DLD: variants seen among roughly 807,000 people sequenced by gnomAD.
DLD encodes dihydrolipoyl dehydrogenase, mitochondrial.
Under a neutral mutation model 62.2 loss-of-function variants are expected in DLD, and 36 were observed. That is an observed-to-expected ratio of 0.58 (90% CI 0.44 to 0.76). The LOEUF (loss-of-function observed/expected upper bound fraction) is 0.76, where lower values mean the gene tolerates loss of function less well. DLD is among the 30% of genes least tolerant of loss of function. DLD has a pLI of 0.00. For synonymous variants in DLD, 204 were observed against 199.6 expected, an observed-to-expected ratio of 1.02 and a Z score of -0.19; for missense variants, 541 against 608.6, an observed-to-expected ratio of 0.89 and a Z score of 1.17.
intron 11 of DLD, 60 bp downstream of exon 11, chr7:107,917,522 G>T: frequency 6.8e-7 from 1 of 1,474,720 alleles, no homozygotes; most frequent in South Asian, 1.1e-5. Context: ...GACATTGGTG[G>T]TTGAGAAACA....
chr7:107,898,483 G>A (rs986449905), intron 2 of DLD, among the ~76,000 whole-genome samples: 7 of 151,024 alleles, frequency 4.6e-5, no homozygotes, highest in African/African-American at 1.7e-4. Context: ...GTTTCACCAT[G>A]TTAGTCAGGC....
intron 2 of DLD, 21 bp downstream of exon 2, chr7:107,893,299 T>A: frequency 6.3e-7 from 1 of 1,588,366 alleles, no homozygotes; most frequent in South Asian, 1.1e-5. Context: ...AAGTAAAACA[T>A]TTTTTTCATC....
In DLD at chr7:107,919,450, G is replaced by A; in HGVS notation, c.*191G>A. 1 of 522,722 alleles carries A rather than the reference G, an allele frequency of 1.9e-6. No homozygotes were observed. The allele number at this position is 522,722 out of a possible 1,614,324, so 32.4% of individuals were successfully genotyped here. On this transcript the variant is annotated 3_prime_UTR_variant, in exon 14 of 14. Coordinates refer to ENST00000205402, the MANE Select transcript of DLD (RefSeq NM_000108.5). The stretch of plus-strand genomic sequence containing the variant: ...ATATTTTACATAAATTTAGTATTTT[G>A]TTTCAGTGCACTAATGTGTAAGACA...
chr7:107,903,468 T>A lies in DLD; in HGVS notation c.268-10T>A. On this transcript the variant is annotated splice_polypyrimidine_tract_variant and intron_variant, in intron 4 of 13. Transcript: ENST00000205402. Reference sequence around the variant, plus strand: ...ATATTTGATAATTTGATCTTTTTAATTTCCTTTAGGCTTTATTGAACAACT... The same window carrying A: ...ATATTTGATAATTTGATCTTTTTAAATTCCTTTAGGCTTTATTGAACAACT... The A allele has an allele frequency of 6.6e-7, 1 of 1,519,954 alleles. No homozygotes were observed. The highest frequency in any genetic ancestry group is 1.1e-5 in the South Asian group (1 of 88,836). 94.2% of individuals were successfully genotyped at this position (1,519,954 alleles called of 1,614,324 possible).
At chr7:107,896,544 C>A (rs536894512) in intron 2 of DLD, among the ~76,000 whole-genome samples, 9 of 152,150 alleles carry the variant, frequency 5.9e-5, no homozygotes, top group Non-Finnish European at 1.3e-4. Flanking sequence ...TATATTTCTT[C>A]TTTAGGGACC....
In DLD at chr7:107,918,893, TAAAG is replaced by T. The variant is rs141524155; in HGVS notation, c.1375-113_1375-110del. On this transcript the variant is annotated intron_variant, in intron 12 of 13. Coordinates refer to ENST00000205402, the MANE Select transcript of DLD (RefSeq NM_000108.5). ...CTTTTCCTGACTTTTCTTCAACTGA[TAAAG>T]AAACAGATTTAAGGCGTTTTTAAGA... 2,077 of 861,294 alleles carry T rather than the reference TAAAG, an allele frequency of 2.4e-3. 26 individuals are homozygous for T. In the African/African-American group the frequency reaches 0.031, roughly 13 times the overall value. The allele number at this position is 861,294 out of a possible 1,614,324, so 53.4% of individuals were successfully genotyped here. A position where few individuals can be genotyped will look rare whatever the true frequency, so the allele number is the denominator to read the frequency against.
In DLD at chr7:107,904,940, T is replaced by A. The variant is rs184851386; in HGVS notation, c.338-18T>A. The A allele has an allele frequency of 1.6e-3, 2,513 of 1,586,292 alleles. 6 individuals carry two copies. Among genetic ancestry groups the A allele is most frequent in the Non-Finnish European group, 1.5e-3 (1,775 of 1,156,202 alleles). On this transcript the variant is annotated intron_variant, in intron 5 of 13. Transcript: ENST00000205402. Reference sequence around the variant, plus strand: ...AAGAATTTAGCTAAGAACTAAAGATTAATTGAACAAATTACAGTGTCCGAA... The same window carrying A: ...AAGAATTTAGCTAAGAACTAAAGATAAATTGAACAAATTACAGTGTCCGAA...
At chr7:107,901,275 T>C (rs2031869060) in intron 2 of DLD, among the ~76,000 whole-genome samples, 1 of 152,158 alleles carries the variant, frequency 6.6e-6, no homozygotes, top group African/African-American at 2.4e-5. Context: ...AGGCAGTGTT[T>C]TCATCCCCAT....
At chr7:107,893,876 A>G (rs543572994) in intron 2 of DLD, among the ~76,000 whole-genome samples, 10 of 152,326 alleles carry the variant, frequency 6.6e-5, no homozygotes, top group African/African-American at 2.4e-4. Flanking sequence ...AAAGGTTTTG[A>G]GCAGGGCAGC....
rs111661705 is a variant in DLD at position 107,917,822 on chromosome 7, C to G, written c.1237-102C>G. The G allele has an allele frequency of 1.7e-3, 2,532 of 1,490,128 alleles. 38 individuals carry two copies. In the African/African-American group the frequency reaches 0.031, roughly 18 times the overall value. 92.3% of individuals were successfully genotyped at this position (1,490,128 alleles called of 1,614,324 possible). ...CCTTCTATGTGCTTTGCGAACAATT[C>G]CCTTCTTGGGATTTATTTTCTGAAC... On this transcript the variant is annotated intron_variant, in intron 11 of 13. Transcript: ENST00000205402.
intron 5 of DLD, 170 bp downstream of exon 5, chr7:107,903,717 C>T: frequency 4.1e-6 from 2 of 486,666 alleles, no homozygotes; most frequent in South Asian, 4.3e-5. Context: ...AGGCCTAAAT[C>T]CAGATTTCTC....
chr7:107,903,384 A>G (rs1386961412), intron 4 of DLD, 94 bp from the exon 5 acceptor site: 7 of 847,214 alleles, frequency 8.3e-6, no homozygotes, highest in Middle Eastern at 3.3e-4. Flanking sequence ...GTCTCAAAAA[A>G]TGAAAAGAAA....
intron 2 of DLD, among the ~76,000 whole-genome samples, chr7:107,894,641 A>C (rs183916435): frequency 2.0e-3 from 312 of 152,286 alleles, no homozygotes; most frequent in African/African-American, 5.4e-3. Flanking sequence ...TTCATGGCTA[A>C]CTCTATACCT....
intron 8 of DLD, among the ~76,000 whole-genome samples, chr7:107,908,189 C>T (rs542151213): frequency 4.3e-5 from 6 of 140,470 alleles, no homozygotes; most frequent in East Asian, 2.1e-4. Context: ...CTTGCTGTGT[C>T]GCCCAGGCTG....
intron 8 of DLD, among the ~76,000 whole-genome samples, chr7:107,914,843 G>A (rs890583633): frequency 2.0e-4 from 30 of 152,164 alleles, no homozygotes; most frequent in African/African-American, 6.5e-4. Context: ...AAATAAACTA[G>A]CATTCAGTTT....
chr7:107,903,248 A>G (rs1013810069), intron 4 of DLD, among the ~76,000 whole-genome samples: 1 of 152,152 alleles, frequency 6.6e-6, no homozygotes, highest in Non-Finnish European at 1.5e-5. Flanking sequence ...AAAATACAAA[A>G]TTAGCCAGGC....
At chr7:107,896,873 G>C (rs1399843685) in intron 2 of DLD, among the ~76,000 whole-genome samples, 1 of 148,292 alleles carries the variant, frequency 6.7e-6, no homozygotes, top group Non-Finnish European at 1.5e-5. Context: ...TCTCGCTCTT[G>C]TCCCCTAGGC....
chr7:107,905,910 G>C (rs2031994980), intron 7 of DLD: 1 of 320,704 alleles, frequency 3.1e-6, no homozygotes, highest in African/African-American at 2.2e-5. Context: ...ATTGGTTCCA[G>C]GACCCCCCTT....
intron 2 of DLD, among the ~76,000 whole-genome samples, chr7:107,899,041 C>T (rs2031809491): frequency 6.6e-6 from 1 of 152,084 alleles, no homozygotes. Context: ...AAATTATAAG[C>T]ATTTAGAAAA....
Sources: gnomAD v4.1 joint callset for allele counts (sites outside exome capture counted in the v4.1 genomes callset) on GRCh38, gnomAD v4.1.1 for gene constraint, MANE v1.5 for transcripts, NCBI Gene and HGNC (gene_info 2026-07-23, HGNC 2026-07-21) for gene names.